EXOC2: variants seen among roughly 807,000 people sequenced by gnomAD.
EXOC2 encodes the protein SEC5-like 1.
A neutral mutation model predicts 131.8 loss-of-function variants in EXOC2; 70 were observed. The ratio of observed to expected loss-of-function variants is 0.53; its 90% CI spans 0.44 to 0.65. The LOEUF is 0.65. EXOC2 is among the 30% of genes least tolerant of loss of function. The probability of loss-of-function intolerance (pLI) is 0.00; values close to 1 mark genes in which losing one functional copy is unlikely to be tolerated. For missense variants in EXOC2, 923 were observed against 1,108.6 expected (o/e 0.83, Z 2.38); for synonymous variants, 411 against 398.4 (o/e 1.03, Z -0.38).
chr6:610,879 A>T, intron 6 of EXOC2, among the ~76,000 whole-genome samples: 1 of 152,230 alleles, frequency 6.6e-6, no homozygotes, highest in East Asian at 1.9e-4. Context: ...CTGCTCCTCT[A>T]TCAAAGAAAC....
At chr6:537,335 T>TACACTCGAGTTGACGGCCGACGGAGCGC (rs1766517486) in intron 22 of EXOC2, among the ~76,000 whole-genome samples, 3 of 129,922 alleles carry the variant, frequency 2.3e-5, no homozygotes, top group African/African-American at 8.9e-5. Flanking sequence ...CGACGGAGCG[T>TACACTCGAGTTGACGGCCGACGGAGCGC]ACACTCGAGT....
intron 22 of EXOC2, among the ~76,000 whole-genome samples, chr6:536,460 C>T (rs898608561): frequency 6.6e-6 from 1 of 151,892 alleles, no homozygotes; most frequent in African/African-American, 2.4e-5. Flanking sequence ...TAAAGATGGC[C>T]TAAACAAATA....
At chr6:614,846 C>G (rs1760900524) in intron 6 of EXOC2, among the ~76,000 whole-genome samples, 1 of 151,950 alleles carries the variant, frequency 6.6e-6, no homozygotes, top group African/African-American at 2.4e-5. Flanking sequence ...CTTACAAAAA[C>G]TTAAATATAT....
intron 1 of EXOC2, among the ~76,000 whole-genome samples, chr6:674,781 G>C (rs1330004312): frequency 6.6e-6 from 1 of 152,012 alleles, no homozygotes; most frequent in Non-Finnish European, 1.5e-5. Flanking sequence ...TTTGGAGCCT[G>C]TGGACCAGGG....
At chr6:659,671 C>T (rs749688623) in intron 1 of EXOC2, among the ~76,000 whole-genome samples, 7 of 152,104 alleles carry the variant, frequency 4.6e-5, no homozygotes, top group Non-Finnish European at 7.3e-5. Context: ...GAGGGGTGAG[C>T]GAAACACAGG....
chr6:612,616 A>G (rs1030871642), intron 6 of EXOC2, among the ~76,000 whole-genome samples: 19 of 152,344 alleles, frequency 1.2e-4, no homozygotes, highest in Middle Eastern at 6.8e-3. Context: ...TCTCACTTAG[A>G]TAACTGAGTC....
chr6:507,893 T>G (rs1421502799), intron 23 of EXOC2, among the ~76,000 whole-genome samples: 1 of 152,230 alleles, frequency 6.6e-6, no homozygotes, highest in East Asian at 1.9e-4. Context: ...ATTCACCAAG[T>G]CTTCGTCCTT....
intron 4 of EXOC2, among the ~76,000 whole-genome samples, chr6:620,160 T>C (rs952529457): frequency 4.6e-5 from 7 of 152,218 alleles, no homozygotes; most frequent in African/African-American, 1.7e-4. Context: ...GACTTCTGGA[T>C]CAATTCATTT....
intron 4 of EXOC2, 136 bp downstream of exon 4, chr6:629,699 C>T: frequency 9.8e-7 from 1 of 1,021,610 alleles, no homozygotes; most frequent in South Asian, 1.9e-5. Flanking sequence ...ATAAATAACA[C>T]CCATCTCCAA....
chr6:602,402 G>C (rs1208750784), intron 7 of EXOC2, among the ~76,000 whole-genome samples: 3 of 32,388 alleles, frequency 9.3e-5, no homozygotes, highest in African/African-American at 1.5e-4. Flanking sequence ...AACACCCCGT[G>C]TGCGAATCCA....
At chr6:587,048 A>G (rs1759247347) in intron 11 of EXOC2, among the ~76,000 whole-genome samples, 1 of 152,206 alleles carries the variant, frequency 6.6e-6, no homozygotes, top group Non-Finnish European at 1.5e-5. Context: ...ATTACCTTAC[A>G]TTTATATTAT....
In EXOC2 at chr6:564,039, CCGTGTGCTGCAA is replaced by C; in HGVS notation, c.1771_1782del (p.Leu591_Thr594del). On this transcript the variant is annotated inframe_deletion, in exon 16 of 28. Coordinates refer to ENST00000230449, the MANE Select transcript of EXOC2 (RefSeq NM_018303.6). The stretch of plus-strand genomic sequence containing the variant: ...CCGATTTATCAAAACACACCTTCCG[CCGTGTGCTGCAA>C]CGTGGCCATTACGCAACGTACTCGG... The C allele has an allele frequency of 6.2e-7, 1 of 1,613,840 alleles. No homozygotes were observed. The highest frequency in any genetic ancestry group is 8.5e-7 in the Non-Finnish European group (1 of 1,179,926).
chr6:534,670 A>G (rs762164832), intron 22 of EXOC2, among the ~76,000 whole-genome samples: 1 of 152,254 alleles, frequency 6.6e-6, no homozygotes, highest in Non-Finnish European at 1.5e-5. Flanking sequence ...ATTTTTGGAT[A>G]TGCAAGGGTT....
intron 23 of EXOC2, among the ~76,000 whole-genome samples, chr6:507,294 TACACAC>T (rs70982901): frequency 0.064 from 4,576 of 71,516 alleles, 170 homozygotes; most frequent in Middle Eastern, 0.078. Context: ...CAGCAGTGAC[TACACAC>T]ACACACACAC....
chr6:687,168 A>AGTCTT (rs1554152340), intron 1 of EXOC2, among the ~76,000 whole-genome samples: 2 of 40,702 alleles, frequency 4.9e-5, no homozygotes, highest in Non-Finnish European at 1.1e-4. Context: ...ATCAAATAAT[A>AGTCTT]TTCTTTTTTT....
In EXOC2 at chr6:613,283, G is replaced by T. The variant is rs147157503; in HGVS notation, c.662-3105C>A. On this transcript the variant is annotated intron_variant, in intron 6 of 27. Transcript: ENST00000230449. ...AAGTTCTAATTAAAATACCTGTGGG[G>T]ACACACAGGAAGAAACAAAACCGAC... Among the ~76,000 whole-genome samples, 29 of 152,262 alleles carry T rather than the reference G, an allele frequency of 1.9e-4. No homozygotes were observed. The East Asian group carries it at 5.6e-3, about 29-fold the overall frequency.
At chr6:606,901 C>T (rs1760448889) in intron 7 of EXOC2, among the ~76,000 whole-genome samples, 2 of 152,188 alleles carry the variant, frequency 1.3e-5, no homozygotes, top group South Asian at 4.1e-4. Context: ...TCGACCAATC[C>T]CTTCCCGATC....
chr6:598,735 A>C (rs1759961146), intron 9 of EXOC2, 125 bp downstream of exon 9: 1 of 695,818 alleles, frequency 1.4e-6, no homozygotes, highest in Non-Finnish European at 2.4e-6. Context: ...TAATTGCTTT[A>C]CATTGTAAAG....
intron 23 of EXOC2, among the ~76,000 whole-genome samples, chr6:501,078 ATATCTATT>A (rs1004259917): frequency 7.7e-6 from 1 of 129,134 alleles, no homozygotes; most frequent in Non-Finnish European, 1.6e-5. Flanking sequence ...ATATATCTAT[ATATCTATT>A]GGCTCCTCAA....
Sources: allele counts gnomAD v4.1 joint callset (sites outside exome capture counted in the v4.1 genomes callset), GRCh38; gene constraint gnomAD v4.1.1; transcripts MANE v1.5; gene names NCBI Gene and HGNC (gene_info 2026-07-23, HGNC 2026-07-21).